FRMD5: variants seen among roughly 807,000 people sequenced by gnomAD.
The protein encoded by FRMD5 is FERM domain-containing protein 5.
Under a neutral mutation model 69.0 loss-of-function variants are expected in FRMD5, and 20 were observed. The observed-to-expected ratio is 0.29, with a 90% CI of 0.20 to 0.42. The LOEUF is 0.42. Ranked by LOEUF, FRMD5 falls within the 10% of genes least tolerant of loss-of-function variation. FRMD5 has a pLI of 1.00. For synonymous variants in FRMD5, 271 were observed against 260.1 expected, an observed-to-expected ratio of 1.04 and a Z score of -0.40; for missense variants, 595 against 708.6, an observed-to-expected ratio of 0.84 and a Z score of 1.82.
chr15:44,171,784 GAC>G (rs1030235124), intron 1 of FRMD5, among the ~76,000 whole-genome samples: 2 of 152,106 alleles, frequency 1.3e-5, no homozygotes, highest in Admixed American at 1.3e-4. Context: ...TGGCTTTTGA[GAC>G]AGAGTCTCGC....
At chr15:43,891,238 CAG>C (rs1268585913) in intron 8 of FRMD5, among the ~76,000 whole-genome samples, 4 of 152,274 alleles carry the variant, frequency 2.6e-5, no homozygotes, top group Non-Finnish European at 5.9e-5. Flanking sequence ...ATCAACAAAC[CAG>C]AGTCTGCCCA....
chr15:43,883,846 C>G, intron 12 of FRMD5, 37 bp from the exon 13 acceptor site: 1 of 1,483,888 alleles, frequency 6.7e-7, no homozygotes, highest in South Asian at 1.1e-5. Flanking sequence ...TAATTCAGTG[C>G]ATGGACACAT....
intron 4 of FRMD5, among the ~76,000 whole-genome samples, chr15:43,912,675 G>A (rs2089309753): frequency 6.6e-6 from 1 of 151,944 alleles, no homozygotes; most frequent in Non-Finnish European, 1.5e-5. Flanking sequence ...ATCTTCCAGG[G>A]GGAGCCCGTC....
intron 1 of FRMD5, among the ~76,000 whole-genome samples, chr15:44,129,333 G>A (rs957694826): frequency 6.6e-6 from 1 of 152,086 alleles, no homozygotes; most frequent in Non-Finnish European, 1.5e-5. Context: ...TGACCATTTT[G>A]ATTATAAGTC....
chr15:44,078,444 T>G (rs1442881974), intron 1 of FRMD5, among the ~76,000 whole-genome samples: 1 of 152,086 alleles, frequency 6.6e-6, no homozygotes, highest in African/African-American at 2.4e-5. Flanking sequence ...ATAATTCACA[T>G]AGAATCTCAA....
chr15:43,871,887 G>T lies in FRMD5; in HGVS notation c.*1998C>A, dbSNP rs1208304425. On this transcript the variant is annotated 3_prime_UTR_variant, in exon 14 of 14. Coordinates refer to ENST00000417257, the MANE Select transcript of FRMD5 (RefSeq NM_032892.5). ...GTGCCTCCACTGGGAAGAGGTCCCA[G>T]ATCTTTGATACATGTCAGGCATGGA... is the stretch of plus-strand genomic sequence containing the variant. 6.6e-6 allele frequency: 1 copy of T among 152,176 alleles called. No homozygotes were observed. The highest frequency in any genetic ancestry group is 1.5e-5 in the Non-Finnish European group (1 of 68,038). The allele number at this position is 152,176 out of a possible 1,614,324, so 9.4% of individuals were successfully genotyped here.
In FRMD5 at chr15:44,126,412, T is replaced by A. The variant is rs558444430; in HGVS notation, c.102+68541A>T. ...GAAATGCATGAACTAATACAATAAA[T>A]CTTTAAAATAATCTAAGTTTGTATG... On this transcript the variant is annotated intron_variant, in intron 1 of 13. Coordinates refer to ENST00000417257, the MANE Select transcript of FRMD5 (RefSeq NM_032892.5). Among the ~76,000 whole-genome samples the A allele has an allele frequency of 1.8e-4, 27 of 152,322 alleles. No individual in the cohort carries two copies. The South Asian group carries it at 5.2e-3, about 29-fold the overall frequency.
chr15:44,183,709 C>T (rs557390373), intron 1 of FRMD5, among the ~76,000 whole-genome samples: 4 of 152,142 alleles, frequency 2.6e-5, no homozygotes, highest in Non-Finnish European at 4.4e-5. Context: ...TCAGCCGGCG[C>T]GGTGGCTCAG....
intron 1 of FRMD5, among the ~76,000 whole-genome samples, chr15:44,023,511 C>T (rs965826382): frequency 1.3e-5 from 2 of 152,136 alleles, no homozygotes; most frequent in Admixed American, 1.3e-4. Flanking sequence ...TGGGAAAGAG[C>T]CTGTTTTAGT....
At chr15:44,129,847 G>C (rs2077074203) in intron 1 of FRMD5, among the ~76,000 whole-genome samples, 1 of 152,138 alleles carries the variant, frequency 6.6e-6, no homozygotes, top group Non-Finnish European at 1.5e-5. Flanking sequence ...CAGTTCCTCA[G>C]GTTAGTAACT....
At chr15:43,959,922 A>G (rs2090170274) in intron 1 of FRMD5, among the ~76,000 whole-genome samples, 1 of 152,154 alleles carries the variant, frequency 6.6e-6, no homozygotes, top group South Asian at 2.1e-4. Flanking sequence ...GATGATGATG[A>G]TGATAATTTT....
At chr15:44,063,763 A>C in intron 1 of FRMD5, 1 of 320,214 alleles carries the variant, frequency 3.1e-6, no homozygotes, top group Non-Finnish European at 6.1e-6. Flanking sequence ...TCCCACCAAA[A>C]TCAAATGGGG....
intron 1 of FRMD5, among the ~76,000 whole-genome samples, chr15:44,192,084 T>C (rs1427571463): frequency 1.3e-5 from 2 of 151,938 alleles, no homozygotes; most frequent in African/African-American, 4.8e-5. Flanking sequence ...CCCTCCTATG[T>C]ATACTTTCAT....
At chr15:44,153,977 GC>G (rs1476098487) in intron 1 of FRMD5, among the ~76,000 whole-genome samples, 1 of 151,878 alleles carries the variant, frequency 6.6e-6, no homozygotes, top group African/African-American at 2.4e-5. Context: ...AAAAAAAATG[GC>G]TAAGATGGTA....
rs1189890743 is a variant in FRMD5 at position 44,019,737 on chromosome 15, CAA to C, written c.103-95430_103-95429del. On this transcript the variant is annotated intron_variant, in intron 1 of 13. Transcript: ENST00000417257. ...GGGCAATGAGAGCAAGAGTCTGTCT[CAA>C]AAAAAAAAAAAAAAAAAAAAAAGGA... 5.5e-3 allele frequency among the ~76,000 whole-genome samples: 128 copies of C among 23,466 alleles called. 1 individual carries two copies. In the East Asian group the frequency reaches 0.074, roughly 14 times the overall value. 15.4% of individuals were successfully genotyped at this position (23,466 alleles called of 152,430 possible).
chr15:44,153,689 C>A (rs2077481935), intron 1 of FRMD5, among the ~76,000 whole-genome samples: 1 of 152,202 alleles, frequency 6.6e-6, no homozygotes, highest in African/African-American at 2.4e-5. Flanking sequence ...ATGGTTAAGG[C>A]CGGGCATGGT....
At chr15:44,012,223 T>G (rs1403394918) in intron 1 of FRMD5, among the ~76,000 whole-genome samples, 2 of 152,204 alleles carry the variant, frequency 1.3e-5, no homozygotes, top group Non-Finnish European at 2.9e-5. Flanking sequence ...CAAAGACAAG[T>G]GAAATGGACT....
At chr15:44,186,845 C>T (rs1218366473) in intron 1 of FRMD5, among the ~76,000 whole-genome samples, 1 of 152,236 alleles carries the variant, frequency 6.6e-6, no homozygotes, top group Admixed American at 6.5e-5. Context: ...TTCCCATCCC[C>T]AAAGCTCTAG....
intron 1 of FRMD5, among the ~76,000 whole-genome samples, chr15:44,052,711 T>C (rs1419363813): frequency 6.6e-6 from 1 of 152,188 alleles, no homozygotes; most frequent in East Asian, 1.9e-4. Context: ...TTAAACACAG[T>C]GAACAATTAC....
Sources: allele counts gnomAD v4.1 joint callset (sites outside exome capture counted in the v4.1 genomes callset), GRCh38; gene constraint gnomAD v4.1.1; transcripts MANE v1.5; gene names NCBI Gene and HGNC (gene_info 2026-07-23, HGNC 2026-07-21).